Variants in PRR16 observed in about 807,000 individuals in gnomAD.
PRR16 encodes proline rich 16, also known as protein Largen.
PRR16 carries 6 observed loss-of-function variants against 18.2 expected under a neutral mutation model. That is an observed-to-expected ratio of 0.33 (90% CI 0.18 to 0.65). PRR16 has a LOEUF of 0.65. PRR16 is among the 30% of genes least tolerant of loss of function. The pLI is 0.74. For missense variants in PRR16, 412 were observed against 376.6 expected (o/e 1.09, Z -0.78); for synonymous variants, 151 against 147.8 (o/e 1.02, Z -0.16).
At chr5:120,695,421 T>TA in the PRR16 span, among the ~76,000 whole-genome samples, 1 of 152,214 alleles carries the variant, frequency 6.6e-6, no homozygotes, top group Non-Finnish European at 1.5e-5. Context: ...CTCATTTTTT[T>TA]AAATCTAAGT....
intron 1 of PRR16, among the ~76,000 whole-genome samples, chr5:120,605,355 T>A (rs1754120939): frequency 6.6e-6 from 1 of 152,250 alleles, no homozygotes; most frequent in Admixed American, 6.5e-5. Flanking sequence ...ATTCCTATAG[T>A]GAAATTTTTA....
At chr5:120,744,182 G>A in the PRR16 span, among the ~76,000 whole-genome samples, 13 of 151,982 alleles carry the variant, frequency 8.6e-5, 1 homozygote, top group Admixed American at 7.2e-4. Context: ...TCAATCTGGG[G>A]CCTGGGGCAA....
chr5:120,706,380 C>T, the PRR16 span, among the ~76,000 whole-genome samples: 3 of 151,922 alleles, frequency 2.0e-5, no homozygotes, highest in Non-Finnish European at 2.9e-5. Flanking sequence ...ATTGAAGACC[C>T]TTTGCTTTTT....
chr5:120,610,633 C>T (rs1754303864), intron 1 of PRR16, among the ~76,000 whole-genome samples: 1 of 152,148 alleles, frequency 6.6e-6, no homozygotes, highest in Non-Finnish European at 1.5e-5. Context: ...GCTTATTCCT[C>T]ATTTTCTCTT....
At chr5:120,773,311 C>G in the PRR16 span, among the ~76,000 whole-genome samples, 5 of 152,128 alleles carry the variant, frequency 3.3e-5, no homozygotes, top group Non-Finnish European at 5.9e-5. Flanking sequence ...TATGGCAGCT[C>G]TGGTCTGCAA....
rs143660304 is a variant in PRR16 at position 120,597,702 on chromosome 5, T to C, written c.160-88252T>C. 8.3e-4 allele frequency among the ~76,000 whole-genome samples: 126 copies of C among 151,910 alleles called. 1 individual carries two copies. Among genetic ancestry groups the C allele is most frequent in the Middle Eastern group, 3.4e-3 (1 of 294 alleles). ...CAATGTTATATTTCCTTAATTTCTG[T>C]AACTATAGTGTCTGGATATTTAGGA... On this transcript the variant is annotated intron_variant, in intron 1 of 1. Transcript: ENST00000407149.
the PRR16 span, among the ~76,000 whole-genome samples, chr5:120,698,599 T>C: frequency 4.6e-5 from 7 of 151,356 alleles, no homozygotes; most frequent in Admixed American, 2.0e-4. Context: ...GACAAGTTTT[T>C]TGGGGCACAG....
the PRR16 span, among the ~76,000 whole-genome samples, chr5:120,727,273 G>A: frequency 2.6e-5 from 4 of 151,826 alleles, no homozygotes; most frequent in African/African-American, 9.7e-5. Context: ...TACTTTTCTG[G>A]GATAATCCTT....
chr5:120,754,243 GATATT>G, the PRR16 span, among the ~76,000 whole-genome samples: 2 of 23,488 alleles, frequency 8.5e-5, no homozygotes, highest in African/African-American at 3.8e-4. Flanking sequence ...TATATAATTA[GATATT>G]ATAATATAAA....
chr5:120,561,497 T>G (rs1450686138), intron 1 of PRR16, among the ~76,000 whole-genome samples: 1 of 152,154 alleles, frequency 6.6e-6, no homozygotes, highest in Non-Finnish European at 1.5e-5. Flanking sequence ...AGTATTTCAA[T>G]TTTTTGAATA....
intron 1 of PRR16, among the ~76,000 whole-genome samples, chr5:120,680,041 T>A (rs1756924101): frequency 6.6e-6 from 1 of 152,152 alleles, no homozygotes; most frequent in Non-Finnish European, 1.5e-5. Context: ...ATGATGGATA[T>A]GCTCATTCGT....
the PRR16 span, among the ~76,000 whole-genome samples, chr5:120,752,270 C>T: frequency 4.6e-5 from 7 of 152,118 alleles, no homozygotes; most frequent in African/African-American, 1.4e-4. Context: ...GTGAAATAAG[C>T]TATAAATACA....
chr5:120,535,393 A>T (rs1751683002), intron 1 of PRR16, among the ~76,000 whole-genome samples: 1 of 152,202 alleles, frequency 6.6e-6, no homozygotes, highest in African/African-American at 2.4e-5. Flanking sequence ...CAAAACATTG[A>T]TAGTAATTTG....
At chr5:120,525,865 T>C (rs1211090028) in intron 1 of PRR16, among the ~76,000 whole-genome samples, 1 of 152,138 alleles carries the variant, frequency 6.6e-6, no homozygotes, top group African/African-American at 2.4e-5. Flanking sequence ...AGGCAACAAA[T>C]TGATTATGAT....
intron 1 of PRR16, among the ~76,000 whole-genome samples, chr5:120,574,291 A>G (rs895711855): frequency 5.9e-5 from 9 of 152,134 alleles, no homozygotes; most frequent in Non-Finnish European, 7.4e-5. Flanking sequence ...TATACAAAAG[A>G]TATGAATAGC....
At chr5:120,623,525 T>C (rs1754757159) in intron 1 of PRR16, among the ~76,000 whole-genome samples, 2 of 152,196 alleles carry the variant, frequency 1.3e-5, no homozygotes, top group Non-Finnish European at 2.9e-5. Context: ...TGAGGATTAA[T>C]TGGTAAATAC....
At chr5:120,528,668 A>G (rs569452441) in intron 1 of PRR16, among the ~76,000 whole-genome samples, 2 of 152,276 alleles carry the variant, frequency 1.3e-5, no homozygotes, top group East Asian at 3.9e-4. Context: ...GAGCTATAGT[A>G]GAGACCCCAA....
chr5:120,508,638 A>G (rs964893723), intron 1 of PRR16, among the ~76,000 whole-genome samples: 1 of 152,120 alleles, frequency 6.6e-6, no homozygotes, highest in Non-Finnish European at 1.5e-5. Flanking sequence ...CTTCTCCAGT[A>G]TATCCAGAAT....
In PRR16 at chr5:120,464,562, G is replaced by C; in HGVS notation, c.76G>C (p.Val26Leu). 6.3e-7 allele frequency: 1 copy of C among 1,590,614 alleles called. No individual in the cohort carries two copies. Among genetic ancestry groups the C allele is most frequent in the Non-Finnish European group, 8.5e-7 (1 of 1,176,540 alleles). Residue 26 changes from valine (V) to leucine (L), a missense_variant, in exon 1 of 2, where the codon GTG (valine) becomes CTG (leucine). By Grantham distance (32) the Val-to-Leu change is conservative. Coordinates refer to ENST00000407149, the MANE Select transcript of PRR16 (RefSeq NM_001300783.2). ...EGPPAASKTKVKEQIKIIVED... is the reference protein window; with the variant it reads ...EGPPAASKTKLKEQIKIIVED... ...ACCGCCGGCAGCCTCCAAAACCAAG[G>C]TGAAGGAACAGATCAAGATCATCGT...
Sources: allele counts gnomAD v4.1 joint callset (sites outside exome capture counted in the v4.1 genomes callset), GRCh38; gene constraint gnomAD v4.1.1; transcripts MANE v1.5; gene names NCBI Gene and HGNC (gene_info 2026-07-23, HGNC 2026-07-21).